The following SLC35F4 variants were observed in gnomAD, a reference collection of about 807,000 sequenced individuals.
SLC35F4 encodes solute carrier family 35 member F4, also known as chromosome 14 open reading frame 36.
Under a neutral mutation model 44.2 loss-of-function variants are expected in SLC35F4, and 24 were observed. The ratio of observed to expected loss-of-function variants is 0.54; its 90% CI spans 0.39 to 0.76. SLC35F4 has a LOEUF of 0.76. Ranked by LOEUF, SLC35F4 falls within the 30% of genes least tolerant of loss-of-function variation. The pLI is 0.00. For synonymous variants in SLC35F4, 238 were observed against 223.6 expected, an observed-to-expected ratio of 1.06 and a Z score of -0.57; for missense variants, 562 against 586.1, an observed-to-expected ratio of 0.96 and a Z score of 0.42.
chr14:57,827,202 T>C (rs1418198317), intron 1 of SLC35F4, among the ~76,000 whole-genome samples: 1 of 152,150 alleles, frequency 6.6e-6, no homozygotes, highest in Non-Finnish European at 1.5e-5. Context: ...GACCATGTCA[T>C]TTGCATGGAC....
chr14:57,622,854 A>T (rs1419518330), intron 1 of SLC35F4, among the ~76,000 whole-genome samples: 1 of 152,026 alleles, frequency 6.6e-6, no homozygotes, highest in African/African-American at 2.4e-5. Flanking sequence ...AAAATTAAAA[A>T]AACCCCACCA....
intron 1 of SLC35F4, among the ~76,000 whole-genome samples, chr14:57,665,739 C>A (rs2074285262): frequency 6.6e-6 from 1 of 152,128 alleles, no homozygotes; most frequent in African/African-American, 2.4e-5. Flanking sequence ...AAATGTCCAC[C>A]AATGATAGAC....
At chr14:57,751,936 C>CTGTG (rs938695833) in intron 1 of SLC35F4, among the ~76,000 whole-genome samples, 6 of 134,994 alleles carry the variant, frequency 4.4e-5, no homozygotes, top group African/African-American at 1.6e-4. Flanking sequence ...CTCTCTCTCT[C>CTGTG]TGTGTGTGTG....
At chr14:57,704,175 T>A (rs187250317) in intron 1 of SLC35F4, among the ~76,000 whole-genome samples, 1 of 152,324 alleles carries the variant, frequency 6.6e-6, no homozygotes, top group African/African-American at 2.4e-5. Flanking sequence ...CTTGAGTAAG[T>A]GTTCTAACTT....
chr14:57,911,194 T>A (rs1278313654), intron 1 of SLC35F4, among the ~76,000 whole-genome samples: 4 of 151,978 alleles, frequency 2.6e-5, no homozygotes, highest in Admixed American at 2.0e-4. Context: ...TTTTGCCAAT[T>A]TTTTTGTTTT....
At chr14:57,939,526 A>G (rs1223468625) in intron 1 of SLC35F4, among the ~76,000 whole-genome samples, 1 of 152,224 alleles carries the variant, frequency 6.6e-6, no homozygotes, top group Non-Finnish European at 1.5e-5. Flanking sequence ...TGTTGCCCTA[A>G]GATCATGTAA....
intron 1 of SLC35F4, among the ~76,000 whole-genome samples, chr14:57,954,160 C>A (rs915070390): frequency 1.3e-5 from 2 of 152,258 alleles, no homozygotes; most frequent in South Asian, 2.1e-4. Context: ...AACTGAACAA[C>A]CTGCTCCTGA....
chr14:57,644,441 C>T (rs1378431007), intron 1 of SLC35F4, among the ~76,000 whole-genome samples: 15 of 143,184 alleles, frequency 1.0e-4, no homozygotes, highest in African/African-American at 3.5e-4. Flanking sequence ...TGTTCATATC[C>T]TTTGCCCACT....
chr14:57,705,042 T>C (rs2075634954), intron 1 of SLC35F4, among the ~76,000 whole-genome samples: 3 of 152,172 alleles, frequency 2.0e-5, no homozygotes, highest in Admixed American at 1.3e-4. Context: ...AAGAATAATG[T>C]ATAGTTCTGC....
At chr14:57,762,337 G>A (rs1273899550) in intron 1 of SLC35F4, among the ~76,000 whole-genome samples, 1 of 152,050 alleles carries the variant, frequency 6.6e-6, no homozygotes, top group Non-Finnish European at 1.5e-5. Context: ...TGAAAAAATT[G>A]TACAAGACTT....
intron 1 of SLC35F4, among the ~76,000 whole-genome samples, chr14:57,919,768 G>A (rs193105520): frequency 4.7e-4 from 72 of 152,312 alleles, no homozygotes; most frequent in Non-Finnish European, 9.1e-4. Flanking sequence ...AGACTTCACA[G>A]CACTTTGGAG....
intron 1 of SLC35F4, among the ~76,000 whole-genome samples, chr14:57,755,643 G>C (rs1783724847): frequency 6.6e-6 from 1 of 152,166 alleles, no homozygotes; most frequent in Non-Finnish European, 1.5e-5. Flanking sequence ...ATAGGTGTAA[G>C]TCAAATCCAC....
intron 1 of SLC35F4, among the ~76,000 whole-genome samples, chr14:57,854,063 A>G (rs938761791): frequency 2.6e-5 from 4 of 152,232 alleles, no homozygotes; most frequent in African/African-American, 4.8e-5. Context: ...CCAGCCTCTC[A>G]AAGCAGATAA....
At chr14:57,771,566 T>G (rs987082375) in intron 1 of SLC35F4, among the ~76,000 whole-genome samples, 1 of 32,102 alleles carries the variant, frequency 3.1e-5, no homozygotes, top group Admixed American at 2.9e-4. Flanking sequence ...CTTCACAAAT[T>G]TTTTCAACTT....
At chr14:57,891,710 T>C (rs1222230004) in intron 1 of SLC35F4, among the ~76,000 whole-genome samples, 1 of 151,992 alleles carries the variant, frequency 6.6e-6, no homozygotes, top group African/African-American at 2.4e-5. Flanking sequence ...ACCCCATCTG[T>C]ACTAAAAATA....
intron 1 of SLC35F4, among the ~76,000 whole-genome samples, chr14:57,876,830 C>T (rs941601168): frequency 8.5e-5 from 13 of 152,180 alleles, no homozygotes; most frequent in African/African-American, 3.1e-4. Context: ...AATCTAAAAC[C>T]CAGGTTTAAA....
At chr14:57,707,635 C>T (rs1450965899) in intron 1 of SLC35F4, among the ~76,000 whole-genome samples, 4 of 151,994 alleles carry the variant, frequency 2.6e-5, no homozygotes, top group East Asian at 1.9e-4. Context: ...AAATTGGTAC[C>T]GAGCTAGTGG....
chr14:57,873,680 T>C (rs1888339296), intron 1 of SLC35F4, among the ~76,000 whole-genome samples: 1 of 152,148 alleles, frequency 6.6e-6, no homozygotes, highest in African/African-American at 2.4e-5. Flanking sequence ...AAATTATAAG[T>C]AATCTTCCAT....
intron 1 of SLC35F4, among the ~76,000 whole-genome samples, chr14:57,815,902 T>G (rs1284384167): frequency 6.6e-6 from 1 of 152,082 alleles, no homozygotes; most frequent in Non-Finnish European, 1.5e-5. Context: ...AGTCAGCATG[T>G]ATAAAGAAAA....
Sources: allele counts gnomAD v4.1 joint callset (sites outside exome capture counted in the v4.1 genomes callset), GRCh38; gene constraint gnomAD v4.1.1; transcripts MANE v1.5; gene names NCBI Gene and HGNC (gene_info 2026-07-23, HGNC 2026-07-21).